SOCS5: variants seen among roughly 807,000 people sequenced by gnomAD.
SOCS5 encodes the protein suppressor of cytokine signaling 5.
In SOCS5, 32 loss-of-function variants were observed where a neutral mutation model predicts 42.8. That is an observed-to-expected ratio of 0.75 (90% CI 0.56 to 1.01). The LOEUF is 1.01. Among genes scored for constraint, SOCS5 ranks in the 50% least tolerant of loss-of-function variants. The pLI is 0.00. For synonymous variants in SOCS5, 283 were observed against 229.6 expected (o/e 1.23, Z -2.10); for missense variants, 627 against 653.0 (o/e 0.96, Z 0.43).
At chr2:46,747,448 TCAAG>T (rs1365407978) in intron 1 of SOCS5, among the ~76,000 whole-genome samples, 2 of 152,170 alleles carry the variant, frequency 1.3e-5, no homozygotes, top group Non-Finnish European at 2.9e-5. Flanking sequence ...ACTCCTGGGC[TCAAG>T]CAGTCTGTCT....
At chr2:46,751,914 T>C (rs576712812) in intron 1 of SOCS5, among the ~76,000 whole-genome samples, 1 of 152,280 alleles carries the variant, frequency 6.6e-6, no homozygotes, top group East Asian at 1.9e-4. Flanking sequence ...AAGAATAATA[T>C]TTTGTGACAA....
chr2:46,758,341 T>A (rs1275738286), intron 1 of SOCS5, among the ~76,000 whole-genome samples, 178 bp from the exon 2 acceptor site: 1 of 152,220 alleles, frequency 6.6e-6, no homozygotes, highest in Non-Finnish European at 1.5e-5. Flanking sequence ...AAAGGCCCGG[T>A]GGCCTTCCTG....
chr2:46,759,829 G>C lies in SOCS5; in HGVS notation c.1299G>C (p.Trp433Cys), dbSNP rs1355896515. The C allele has an allele frequency of 6.2e-7, 1 of 1,614,136 alleles. No individual in the cohort carries two copies. The highest frequency in any genetic ancestry group is 8.5e-7 in the Non-Finnish European group (1 of 1,180,034). The part of the protein sequence containing the change: ...NRSLHARIEQ[W>C]NHNFSFDAHD... ...CCCTGCATGCCCGAATTGAGCAGTG[G>C]AATCACAACTTTAGTTTCGACGCCC... The change falls in exon 2 of 2, where the codon TGG becomes TGC. Residue 433 changes from tryptophan (W) to cysteine (C), a missense_variant. Trp to Cys is a radical substitution (Grantham distance 215). Transcript: ENST00000394861.
intron 1 of SOCS5, among the ~76,000 whole-genome samples, chr2:46,705,349 G>C (rs577969732): frequency 1.1e-4 from 16 of 152,292 alleles, no homozygotes; most frequent in African/African-American, 3.8e-4. Flanking sequence ...CTGTCTCTAG[G>C]TGTAGCTGGT....
At chr2:46,752,066 C>T (rs920511750) in intron 1 of SOCS5, among the ~76,000 whole-genome samples, 1 of 152,094 alleles carries the variant, frequency 6.6e-6, no homozygotes, top group South Asian at 2.1e-4. Context: ...AGAGACTGTA[C>T]GGCCCACAAA....
At chr2:46,707,772 C>T (rs749015841) in intron 1 of SOCS5, among the ~76,000 whole-genome samples, 27 of 152,246 alleles carry the variant, frequency 1.8e-4, no homozygotes, top group Non-Finnish European at 2.2e-4. Context: ...ACAAATGCTC[C>T]TCGACTTACA....
Position 46,762,940 on chromosome 2 carries a change from A to T in SOCS5, c.*2799A>T, listed in dbSNP as rs1306743324. 6.0e-6 allele frequency: 1 copy of T among 167,030 alleles called. No individual in the cohort carries two copies. Among genetic ancestry groups the T allele is most frequent in the East Asian group, 1.9e-4 (1 of 5,210 alleles). The allele number at this position is 167,030 out of a possible 1,614,324, so 10.3% of individuals were successfully genotyped here. A position where few individuals can be genotyped will look rare whatever the true frequency, so the allele number is the denominator to read the frequency against. ...GTGTATTATATATTTATGTATGCACATATATACATTTATGTTGTTAATATT... is the reference window on the plus strand; with the variant it reads ...GTGTATTATATATTTATGTATGCACTTATATACATTTATGTTGTTAATATT... On this transcript the variant is annotated 3_prime_UTR_variant, in exon 2 of 2. Coordinates refer to ENST00000394861, the MANE Select transcript of SOCS5 (RefSeq NM_144949.3).
intron 1 of SOCS5, among the ~76,000 whole-genome samples, chr2:46,737,664 G>A (rs1184286407): frequency 1.3e-5 from 2 of 152,082 alleles, no homozygotes; most frequent in African/African-American, 4.8e-5. Context: ...CATTTACATA[G>A]AATACATATC....
chr2:46,741,748 G>A (rs192893430), intron 1 of SOCS5, among the ~76,000 whole-genome samples: 24 of 152,178 alleles, frequency 1.6e-4, no homozygotes, highest in Admixed American at 7.9e-4. Flanking sequence ...TATTATTTCA[G>A]CATGTAAAGG....
At chr2:46,709,068 G>A (rs1255882552) in intron 1 of SOCS5, among the ~76,000 whole-genome samples, 1 of 151,930 alleles carries the variant, frequency 6.6e-6, no homozygotes, top group African/African-American at 2.4e-5. Flanking sequence ...TGTATTTTTA[G>A]TAGAGATGAG....
chr2:46,755,276 A>G (rs924918045), intron 1 of SOCS5, among the ~76,000 whole-genome samples: 1 of 152,212 alleles, frequency 6.6e-6, no homozygotes, highest in Admixed American at 6.5e-5. Context: ...TATTTCTCAT[A>G]AAGCATGGGT....
rs550808208 is a variant in SOCS5, at chr2:46,733,478, T to TG, written c.-12-25035dup. ...ATTCCAGCACTTTGGGAAACTGAAG[T>TG]GGGGGGATCACATGAGTCCAGGAGG... On this transcript the variant is annotated intron_variant, in intron 1 of 1. Transcript: ENST00000394861. 2.9e-4 allele frequency among the ~76,000 whole-genome samples: 41 copies of TG among 143,510 alleles called. 1 individual carries two copies. In the East Asian group the frequency reaches 7.8e-3, roughly 27 times the overall value. The allele number at this position is 143,510 out of a possible 152,430, so 94.1% of individuals were successfully genotyped here.
intron 1 of SOCS5, among the ~76,000 whole-genome samples, chr2:46,757,132 A>G (rs1673748801): frequency 6.6e-6 from 1 of 152,218 alleles, no homozygotes; most frequent in Admixed American, 6.5e-5. Context: ...CTTTTCTGTG[A>G]GAAACTAATG....
At chr2:46,740,033 A>G (rs796529961) in intron 1 of SOCS5, among the ~76,000 whole-genome samples, 6 of 152,342 alleles carry the variant, frequency 3.9e-5, no homozygotes, top group African/African-American at 1.4e-4. Flanking sequence ...CATGTGGTAT[A>G]CTAGAATTCT....
intron 1 of SOCS5, among the ~76,000 whole-genome samples, chr2:46,747,582 T>C (rs1673532265): frequency 6.6e-6 from 1 of 152,154 alleles, no homozygotes; most frequent in South Asian, 2.1e-4. Flanking sequence ...AATGTGTCCA[T>C]GTAGTCTGTG....
At chr2:46,743,784 A>G (rs904579474) in intron 1 of SOCS5, among the ~76,000 whole-genome samples, 1 of 152,288 alleles carries the variant, frequency 6.6e-6, no homozygotes, top group Middle Eastern at 3.4e-3. Context: ...GGCATCTCCA[A>G]ATATGTCTGA....
intron 1 of SOCS5, among the ~76,000 whole-genome samples, chr2:46,704,893 G>T (rs1672426655): frequency 6.6e-6 from 1 of 152,078 alleles, no homozygotes; most frequent in African/African-American, 2.4e-5. Flanking sequence ...AATCAGCATT[G>T]GGCTCTGAGG....
rs762054405 is a variant in SOCS5 at position 46,759,069 on chromosome 2, G to T, written c.539G>T (p.Arg180Met). The T allele has an allele frequency of 1.2e-6, 2 of 1,613,878 alleles. No homozygotes were observed. Among genetic ancestry groups the T allele is most frequent in the East Asian group, 4.5e-5 (2 of 44,900 alleles). The stretch of plus-strand genomic sequence containing the variant: ...GTAGGAAGTCGCTCTCTAAGACAGA[G>T]GTTGCAGGATACTGTGGGCTTGTGT... Reference protein sequence around the residue: ...RTVGSRSLRQRLQDTVGLCFP... With the variant: ...RTVGSRSLRQMLQDTVGLCFP... Residue 180 changes from arginine (R) to methionine (M), a missense_variant, in exon 2 of 2, where the codon AGG (arginine) becomes ATG (methionine). By Grantham distance (91) the Arg-to-Met change is moderately conservative. Around this residue, in one of 3 missense-constraint regions of SOCS5, gnomAD observed 278 missense variants for 246.3 expected, o/e 1.13. Transcript: ENST00000394861.
In SOCS5 at chr2:46,713,224, C is replaced by T. The variant is rs151170706; in HGVS notation, c.-13+13775C>T. Among the ~76,000 whole-genome samples the T allele has an allele frequency of 4.8e-3, 732 of 152,216 alleles. 6 individuals are homozygous for T. Among genetic ancestry groups the T allele is most frequent in the Admixed American group, 0.01 (156 of 15,284 alleles). The stretch of plus-strand genomic sequence containing the variant: ...TTTAAAAACTAGCCAGGCCTGGTGG[C>T]GCACACCTGTAGTTTCAGCTACTCA... On this transcript the variant is annotated intron_variant, in intron 1 of 1. Transcript: ENST00000394861.
Sources: gnomAD v4.1 joint callset for allele counts (sites outside exome capture counted in the v4.1 genomes callset) on GRCh38, gnomAD v4.1.1 for gene constraint, gnomAD v4.1.1 regional missense constraint, MANE v1.5 for transcripts, NCBI Gene and HGNC (gene_info 2026-07-23, HGNC 2026-07-21) for gene names.